The following SESN1 variants were observed in gnomAD, a reference collection of about 807,000 sequenced individuals.
SESN1 encodes the protein sestrin-1.
In SESN1, 30 loss-of-function variants were observed where a neutral mutation model predicts 59.3. That is an observed-to-expected ratio of 0.51 (90% confidence interval 0.38 to 0.69). The LOEUF (loss-of-function observed/expected upper bound fraction) is 0.69, where lower values mean the gene tolerates loss of function less well. SESN1 is among the 30% of genes least tolerant of loss of function. The pLI, the probability that SESN1 is intolerant of heterozygous loss-of-function variation, is 0.00. For missense variants in SESN1, 566 were observed against 673.0 expected (o/e 0.84, Z 1.76); for synonymous variants, 197 against 219.9 (o/e 0.90, Z 0.92).
intron 1 of SESN1, among the ~76,000 whole-genome samples, chr6:109,003,770 G>A (rs999126758): frequency 2.0e-5 from 3 of 151,994 alleles, no homozygotes; most frequent in Admixed American, 1.3e-4. Flanking sequence ...TATAATTTTG[G>A]CACCAATAGC....
chr6:109,055,731 A>C (rs1197628781), intron 1 of SESN1, among the ~76,000 whole-genome samples: 1 of 152,064 alleles, frequency 6.6e-6, no homozygotes, highest in Non-Finnish European at 1.5e-5. Context: ...TATGGTTCAC[A>C]AAAGTCTAGT....
intron 1 of SESN1, among the ~76,000 whole-genome samples, chr6:109,080,607 T>G (rs921156369): frequency 4.6e-5 from 7 of 152,180 alleles, no homozygotes; most frequent in African/African-American, 1.7e-4. Flanking sequence ...CTAGAAAAGT[T>G]TTAAGTTTTA....
At chr6:109,046,963 C>A (rs1485897425) in intron 1 of SESN1, among the ~76,000 whole-genome samples, 2 of 109,462 alleles carry the variant, frequency 1.8e-5, no homozygotes, top group Non-Finnish European at 3.9e-5. Flanking sequence ...GCGTCTCCAC[C>A]CGGCAGCCAC....
chr6:109,003,621 A>G (rs1779671809), intron 1 of SESN1, among the ~76,000 whole-genome samples: 1 of 152,336 alleles, frequency 6.6e-6, no homozygotes, highest in East Asian at 1.9e-4. Flanking sequence ...TGGTTAGTCC[A>G]TCCTTACACT....
intron 1 of SESN1, among the ~76,000 whole-genome samples, chr6:109,072,124 C>A (rs1450733955): frequency 2.6e-5 from 4 of 152,164 alleles, no homozygotes; most frequent in African/African-American, 9.7e-5. Context: ...GAGTGATCCT[C>A]TTTTACTAAT....
intron 1 of SESN1, among the ~76,000 whole-genome samples, chr6:109,090,442 A>G (rs985822933): frequency 2.0e-5 from 3 of 152,206 alleles, no homozygotes; most frequent in Admixed American, 2.0e-4. Flanking sequence ...ACAATAGCCT[A>G]CTGTTGACTG....
At chr6:109,073,140 T>G (rs1161429299) in intron 1 of SESN1, among the ~76,000 whole-genome samples, 10 of 152,122 alleles carry the variant, frequency 6.6e-5, no homozygotes, top group Admixed American at 6.6e-4. Context: ...AGGGGCAAAT[T>G]AGATAACCTC....
intron 1 of SESN1, among the ~76,000 whole-genome samples, chr6:109,045,581 A>C (rs761820563): frequency 6.6e-6 from 1 of 152,190 alleles, no homozygotes; most frequent in Non-Finnish European, 1.5e-5. Context: ...AATCTCTCTG[A>C]CCAGAGCACC....
chr6:108,987,280 C>G lies in SESN1; in HGVS notation c.*264G>C. The G allele has an allele frequency of 2.9e-6, 1 of 346,000 alleles. No homozygotes were observed. Among genetic ancestry groups the G allele is most frequent in the East Asian group, 4.5e-5 (1 of 22,082 alleles). The allele number at this position is 346,000 out of a possible 1,614,324, so 21.4% of individuals were successfully genotyped here. A position where few individuals can be genotyped will look rare whatever the true frequency, so the allele number is the denominator to read the frequency against. The stretch of plus-strand genomic sequence containing the variant: ...AGAGTTACTATTTGCTGTATTAAAA[C>G]AGTTACACAGCATCTTGTACTGTCA... On this transcript the variant is annotated 3_prime_UTR_variant, in exon 10 of 10. Coordinates refer to ENST00000436639, the MANE Select transcript of SESN1 (RefSeq NM_014454.3).
intron 1 of SESN1, among the ~76,000 whole-genome samples, chr6:109,013,397 A>G (rs1273357334): frequency 6.6e-6 from 1 of 152,186 alleles, no homozygotes; most frequent in Non-Finnish European, 1.5e-5. Context: ...ATGGTAGTTA[A>G]GTTCCTTGAG....
Position 109,000,473 on chromosome 6 carries a change from T to C in SESN1, c.729+18A>G, listed in dbSNP as rs1779592188. On this transcript the variant is annotated intron_variant, in intron 4 of 9. Transcript: ENST00000436639. ...AAAGTCTGAAATGACTCCCAAGATA[T>C]ATTACCCCACTGCTTACCTCAATGT... 1 of 1,491,986 alleles carries C rather than the reference T, an allele frequency of 6.7e-7. No homozygotes were observed. 92.4% of individuals were successfully genotyped at this position (1,491,986 alleles called of 1,614,324 possible).
intron 1 of SESN1, among the ~76,000 whole-genome samples, chr6:109,077,731 A>G (rs572458736): frequency 6.6e-6 from 1 of 152,278 alleles, no homozygotes; most frequent in East Asian, 1.9e-4. Context: ...GACTAAATAA[A>G]TCAGAAACTT....
At chr6:109,058,409 TA>T (rs1562470645) in intron 1 of SESN1, among the ~76,000 whole-genome samples, 1 of 152,224 alleles carries the variant, frequency 6.6e-6, no homozygotes, top group Non-Finnish European at 1.5e-5. Context: ...GGTTATACCA[TA>T]TAGCCTACGT....
intron 1 of SESN1, among the ~76,000 whole-genome samples, chr6:109,088,749 C>T (rs77646270): frequency 7.0e-4 from 106 of 152,240 alleles, no homozygotes; most frequent in Non-Finnish European, 1.1e-3. Context: ...TATAGTTCAC[C>T]AGTAGACTAT....
chr6:109,000,754 G>T, intron 3 of SESN1, 81 bp from the exon 4 acceptor site: 1 of 1,140,528 alleles, frequency 8.8e-7, no homozygotes, highest in Non-Finnish European at 1.1e-6. Flanking sequence ...ATGCAAAAGA[G>T]CTAATTAAGT....
At chr6:109,002,475 AT>A (rs775499728) in intron 1 of SESN1, 132 bp from the exon 2 acceptor site, 19 of 659,402 alleles carry the variant, frequency 2.9e-5, no homozygotes, top group Non-Finnish European at 3.8e-5. Flanking sequence ...TCATGGCTGT[AT>A]ATACATACCA....
intron 1 of SESN1, among the ~76,000 whole-genome samples, chr6:109,005,479 CAA>C (rs1779714552): frequency 6.6e-6 from 1 of 152,008 alleles, no homozygotes; most frequent in South Asian, 2.1e-4. Context: ...GGTTTAGAAA[CAA>C]AGAGGTATAC....
intron 5 of SESN1, among the ~76,000 whole-genome samples, chr6:108,995,557 T>A (rs2114284325): frequency 6.6e-6 from 1 of 152,230 alleles, no homozygotes; most frequent in East Asian, 1.9e-4. Context: ...TATACCCTGC[T>A]GCATTCTTGC....
At chr6:109,090,332 A>G (rs1419004551) in intron 1 of SESN1, among the ~76,000 whole-genome samples, 2 of 152,186 alleles carry the variant, frequency 1.3e-5, no homozygotes, top group Non-Finnish European at 2.9e-5. Context: ...GCCTCATAAG[A>G]TTACACACTT....
Sources: allele counts gnomAD v4.1 joint callset (sites outside exome capture counted in the v4.1 genomes callset), GRCh38; gene constraint gnomAD v4.1.1; transcripts MANE v1.5; gene names NCBI Gene and HGNC (gene_info 2026-07-23, HGNC 2026-07-21).